EPHA6: variants seen among roughly 807,000 people sequenced by gnomAD.
EPHA6 encodes EPH receptor A6.
In EPHA6, 50 loss-of-function variants were observed where a neutral mutation model predicts 112.0. The observed-to-expected ratio is 0.45, with a 90% CI of 0.36 to 0.56. The LOEUF (loss-of-function observed/expected upper bound fraction) is 0.56, where lower values mean the gene tolerates loss of function less well. Ranked by LOEUF, EPHA6 falls within the 20% of genes least tolerant of loss-of-function variation. The pLI is 0.00. For missense variants in EPHA6, 1,280 were observed against 1,417.4 expected (o/e 0.90, Z 1.56); for synonymous variants, 529 against 490.7 (o/e 1.08, Z -1.03).
chr3:97,701,140 G>A (rs184168630), intron 14 of EPHA6, among the ~76,000 whole-genome samples: 1 of 152,308 alleles, frequency 6.6e-6, no homozygotes, highest in Admixed American at 6.5e-5. Context: ...AAGGATTCCA[G>A]TATGAGTTTA....
At chr3:97,293,773 C>T (rs1436457406) in intron 5 of EPHA6, among the ~76,000 whole-genome samples, 1 of 152,224 alleles carries the variant, frequency 6.6e-6, no homozygotes, top group Non-Finnish European at 1.5e-5. Context: ...GGGACCTGCC[C>T]CTTCCCACCC....
intron 13 of EPHA6, among the ~76,000 whole-genome samples, chr3:97,622,536 C>A (rs948734945): frequency 6.6e-6 from 1 of 151,684 alleles, no homozygotes; most frequent in African/African-American, 2.4e-5. Flanking sequence ...TTAGCTATTG[C>A]GAAGAATGCT....
In EPHA6 at chr3:96,973,945, G is replaced by A. The variant is rs534637044; in HGVS notation, c.451-13385G>A. On this transcript the variant is annotated intron_variant, in intron 2 of 17. Transcript: ENST00000389672. ...TATATTATATAATATATAATATAGT[G>A]TATACATAATAAATATACATATTAT... Among the ~76,000 whole-genome samples, 126 of 143,174 alleles carry A rather than the reference G, an allele frequency of 8.8e-4. 1 individual carries two copies. The highest frequency in any genetic ancestry group is 3.1e-3 in the African/African-American group (120 of 39,324). The allele number at this position is 143,174 out of a possible 152,430, so 93.9% of individuals were successfully genotyped here.
chr3:97,555,695 T>A (rs1018482389), intron 11 of EPHA6, among the ~76,000 whole-genome samples: 5 of 152,204 alleles, frequency 3.3e-5, no homozygotes, highest in Non-Finnish European at 5.9e-5. Flanking sequence ...GAGCATTTTT[T>A]CATGTGTTTT....
chr3:96,862,921 A>G (rs1234126499), intron 1 of EPHA6, among the ~76,000 whole-genome samples: 1 of 151,996 alleles, frequency 6.6e-6, no homozygotes, highest in Non-Finnish European at 1.5e-5. Flanking sequence ...CAACTCTAAT[A>G]CACTAAAAGA....
chr3:97,076,000 C>T (rs1559711772), intron 3 of EPHA6, among the ~76,000 whole-genome samples: 1 of 151,968 alleles, frequency 6.6e-6, no homozygotes, highest in Non-Finnish European at 1.5e-5. Flanking sequence ...TCTTCCTGTC[C>T]TTGGGGCTGC....
chr3:97,275,777 G>A (rs1176371176), intron 5 of EPHA6, among the ~76,000 whole-genome samples: 1 of 150,648 alleles, frequency 6.6e-6, no homozygotes, highest in Non-Finnish European at 1.5e-5. Context: ...GGTAAGGGGT[G>A]CATGATCGGT....
Position 97,680,730 on chromosome 3 carries a change from AT to A in EPHA6, c.2785-39525del, listed in dbSNP as rs138816352. Among the ~76,000 whole-genome samples, 221 of 152,278 alleles carry A rather than the reference AT, an allele frequency of 1.5e-3. 3 individuals carry two copies. In the East Asian group the frequency reaches 0.041, roughly 28 times the overall value. ...GTCAAACCCAGCTTGTGGCACAAAC[AT>A]TTTTTAAATAAATGAATGAAGAACA... On this transcript the variant is annotated intron_variant, in intron 14 of 17. Transcript: ENST00000389672.
chr3:96,901,712 A>T (rs1425305395), intron 2 of EPHA6, among the ~76,000 whole-genome samples: 1 of 152,166 alleles, frequency 6.6e-6, no homozygotes, highest in Non-Finnish European at 1.5e-5. Flanking sequence ...GTTGCCAAGG[A>T]GAACAAAGAG....
intron 3 of EPHA6, among the ~76,000 whole-genome samples, chr3:97,201,912 T>G (rs1372255492): frequency 2.6e-5 from 4 of 152,082 alleles, no homozygotes; most frequent in African/African-American, 9.7e-5. Flanking sequence ...GACCAGAATC[T>G]TCATCACCAG....
chr3:96,854,610 A>ATG (rs1297254929), intron 1 of EPHA6, among the ~76,000 whole-genome samples: 4 of 152,060 alleles, frequency 2.6e-5, no homozygotes, highest in African/African-American at 4.8e-5. Context: ...ATATATGTAT[A>ATG]TGTGTGTGTG....
chr3:97,421,043 G>A (rs1024387119), intron 6 of EPHA6, among the ~76,000 whole-genome samples: 2 of 151,978 alleles, frequency 1.3e-5, no homozygotes, highest in Non-Finnish European at 2.9e-5. Flanking sequence ...CTAGTAATAT[G>A]AGATAACTTC....
rs758045778 is a variant in EPHA6 at position 97,244,148 on chromosome 3, G to A, written c.1467G>A (p.Leu489=). The A allele has an allele frequency of 1.2e-6, 2 of 1,613,054 alleles. No individual in the cohort carries two copies. Among genetic ancestry groups the A allele is most frequent in the South Asian group, 1.1e-5 (1 of 91,056 alleles). The stretch of plus-strand genomic sequence containing the variant: ...GCTTCATCCCAAGACATACAGGCCT[G>A]ATCAACAATTCCGTGATAGTACTTG... The part of the protein sequence containing the change: ...GLRFIPRHTG[L]INNSVIVLDF... The change falls in exon 5 of 18, where the codon CTG becomes CTA. Residue 489 remains leucine, a synonymous_variant. Transcript: ENST00000389672.
chr3:97,456,966 A>G (rs1193316831), intron 7 of EPHA6, among the ~76,000 whole-genome samples: 2 of 152,202 alleles, frequency 1.3e-5, no homozygotes, highest in Non-Finnish European at 2.9e-5. Flanking sequence ...TTCAGACTAC[A>G]CAAATCAGCT....
intron 11 of EPHA6, among the ~76,000 whole-genome samples, chr3:97,590,060 TA>T (rs1338006450): frequency 6.6e-5 from 10 of 152,188 alleles, no homozygotes; most frequent in Admixed American, 5.9e-4. Flanking sequence ...TTCTCCTGAA[TA>T]AATTGTGAAA....
intron 3 of EPHA6, among the ~76,000 whole-genome samples, chr3:97,168,274 T>G (rs992469339): frequency 3.3e-5 from 5 of 152,188 alleles, no homozygotes; most frequent in Non-Finnish European, 5.9e-5. Context: ...CTACAGTTAT[T>G]TATTCTATAA....
chr3:97,010,580 C>G (rs1044843742), intron 3 of EPHA6, among the ~76,000 whole-genome samples: 1 of 152,050 alleles, frequency 6.6e-6, no homozygotes, highest in Non-Finnish European at 1.5e-5. Flanking sequence ...TAGAATAAAA[C>G]CTCTACTGGA....
intron 10 of EPHA6, among the ~76,000 whole-genome samples, chr3:97,512,161 T>C (rs1323118276): frequency 6.6e-6 from 1 of 152,184 alleles, no homozygotes; most frequent in East Asian, 1.9e-4. Flanking sequence ...TTCATATTTA[T>C]TTTTCTAGTA....
At chr3:96,989,473 G>A (rs1047611824) in intron 3 of EPHA6, among the ~76,000 whole-genome samples, 13 of 152,092 alleles carry the variant, frequency 8.5e-5, no homozygotes, top group African/African-American at 3.1e-4. Flanking sequence ...GATTTATAAT[G>A]GAGAAAAACC....
Sources: allele counts gnomAD v4.1 joint callset (sites outside exome capture counted in the v4.1 genomes callset), GRCh38; gene constraint gnomAD v4.1.1; transcripts MANE v1.5; gene names NCBI Gene and HGNC (gene_info 2026-07-23, HGNC 2026-07-21).